The following SNX27 variants were observed in gnomAD, a reference collection of about 807,000 sequenced individuals.
The protein encoded by SNX27 is sorting nexin-27.
SNX27 carries 22 observed loss-of-function variants against 71.6 expected under a neutral mutation model. That is an observed-to-expected ratio of 0.31 (90% confidence interval 0.22 to 0.44). The LOEUF is 0.44. Among genes scored for constraint, SNX27 ranks in the 20% least tolerant of loss-of-function variants. SNX27 has a pLI of 1.00. For missense variants in SNX27, 531 were observed against 698.6 expected, an observed-to-expected ratio of 0.76 and a Z score of 2.70; for synonymous variants, 269 against 277.2, an observed-to-expected ratio of 0.97 and a Z score of 0.29.
At chr1:151,650,680 T>A (rs1669286004) in intron 2 of SNX27, among the ~76,000 whole-genome samples, 1 of 152,062 alleles carries the variant, frequency 6.6e-6, no homozygotes, top group African/African-American at 2.4e-5. Flanking sequence ...AGGACAATAG[T>A]GGAGGGAAGG....
intron 1 of SNX27, among the ~76,000 whole-genome samples, chr1:151,629,897 A>T (rs116716168): frequency 0.44 from 65,563 of 150,450 alleles, 15,275 homozygotes; most frequent in Non-Finnish European, 0.55. Context: ...ATATATATAT[A>T]TATTTTTTTG....
At chr1:151,672,031 A>G (rs1382410123) in intron 7 of SNX27, among the ~76,000 whole-genome samples, 2 of 152,140 alleles carry the variant, frequency 1.3e-5, no homozygotes, top group South Asian at 2.1e-4. Flanking sequence ...TGGGACTTCT[A>G]GTACTATGTT....
At chr1:151,627,532 TACTA>T (rs1462785366) in intron 1 of SNX27, among the ~76,000 whole-genome samples, 1 of 152,214 alleles carries the variant, frequency 6.6e-6, no homozygotes, top group Non-Finnish European at 1.5e-5. Context: ...TCTTCCAACC[TACTA>T]ACTGATTTTT....
At chr1:151,683,332 G>T (rs2102723969) in intron 7 of SNX27, 24 bp from the exon 8 acceptor site, 1 of 1,581,114 alleles carries the variant, frequency 6.3e-7, no homozygotes, top group Non-Finnish European at 8.6e-7. Context: ...ACTCCTTTCT[G>T]CTCTACTTCT....
intron 2 of SNX27, among the ~76,000 whole-genome samples, chr1:151,652,662 C>T (rs1321245041): frequency 3.9e-5 from 6 of 152,014 alleles, no homozygotes; most frequent in South Asian, 2.1e-4. Context: ...CCACCCGCCT[C>T]GACCTCCCAA....
At chr1:151,632,121 T>C (rs1668264575) in intron 1 of SNX27, among the ~76,000 whole-genome samples, 1 of 152,162 alleles carries the variant, frequency 6.6e-6, no homozygotes, top group Non-Finnish European at 1.5e-5. Flanking sequence ...TGAGAGATGC[T>C]GCTGTTATCT....
chr1:151,655,945 C>T (rs1669661812), intron 2 of SNX27, among the ~76,000 whole-genome samples: 1 of 152,132 alleles, frequency 6.6e-6, no homozygotes, highest in African/African-American at 2.4e-5. Context: ...AAGCTCTTGG[C>T]CGGACACGGG....
chr1:151,683,500 C>A, intron 8 of SNX27, 55 bp downstream of exon 8: 1 of 1,315,804 alleles, frequency 7.6e-7, no homozygotes, highest in Non-Finnish European at 1.1e-6. Context: ...CCTTTAAAAC[C>A]TATAGTCCTA....
chr1:151,652,205 G>GGGGAAAGGGAGAGGGAGA (rs1669432009), intron 2 of SNX27, among the ~76,000 whole-genome samples: 1 of 62,254 alleles, frequency 1.6e-5, no homozygotes, highest in Non-Finnish European at 3.5e-5. Context: ...GGGAGACCGT[G>GGGGAAAGGGAGAGGGAGA]GGGAGAGGGA....
intron 8 of SNX27, 38 bp downstream of exon 8, chr1:151,683,483 C>T (rs1276730234): frequency 1.4e-6 from 2 of 1,475,668 alleles, no homozygotes; most frequent in Non-Finnish European, 1.9e-6. Context: ...AAAAATGCCC[C>T]TTCCTACCTT....
Position 151,662,259 on chromosome 1 carries a change from C to A in SNX27, c.895C>A (p.Gln299Lys). 6.2e-7 allele frequency: 1 copy of A among 1,604,478 alleles called. No homozygotes were observed. Among genetic ancestry groups the A allele is most frequent in the Non-Finnish European group, 8.5e-7 (1 of 1,171,774 alleles). The change falls in exon 5 of 12, where the codon CAA becomes AAA. Residue 299 changes from glutamine (Q) to lysine (K), a missense_variant. By Grantham distance (53) the Gln-to-Lys change is moderately conservative. This residue lies in a region of SNX27 where 184 missense variants were observed against 289.6 expected (regional missense o/e 0.64). Transcript: ENST00000458013. ...GGTTAAAAAGAACAGTACTACAGACCAAGTATATCAGGTAAATTAAATGAA... is the reference window on the plus strand; with the variant it reads ...GGTTAAAAAGAACAGTACTACAGACAAAGTATATCAGGTAAATTAAATGAA... ...VRVKKNSTTDQVYQAIAAKVG... is the reference protein window; with the variant it reads ...VRVKKNSTTDKVYQAIAAKVG...
In SNX27 at chr1:151,638,927, G is replaced by A; in HGVS notation, c.351G>A (p.Val117=). 1 of 1,614,126 alleles carries A rather than the reference G, an allele frequency of 6.2e-7. No homozygotes were observed. The highest frequency in any genetic ancestry group is 8.5e-7 in the Non-Finnish European group (1 of 1,180,030). ...VNVEGATHKQ[V]VDLIRAGEKE... is the part of the protein sequence containing the mutation. ...TTGAGGGGGCGACACACAAGCAGGT[G>A]GTGGACCTGATTCGAGCAGGCGAGA... Residue 117 remains valine (V), a synonymous_variant, in exon 2 of 12, where the codon GTG becomes GTA. Transcript: ENST00000458013.
chr1:151,626,382 A>G (rs569198864), intron 1 of SNX27, among the ~76,000 whole-genome samples: 1 of 151,700 alleles, frequency 6.6e-6, no homozygotes, highest in Non-Finnish European at 1.5e-5. Flanking sequence ...ACACTTTTAT[A>G]TTGTCTCTTT....
chr1:151,692,191 T>C (rs1288125514), intron 8 of SNX27, among the ~76,000 whole-genome samples: 1 of 151,984 alleles, frequency 6.6e-6, no homozygotes, highest in African/African-American at 2.4e-5. Context: ...GCTACTGCAC[T>C]CCAGCCTAAG....
intron 1 of SNX27, among the ~76,000 whole-genome samples, chr1:151,634,631 G>A (rs763916868): frequency 1.4e-4 from 21 of 152,070 alleles, no homozygotes; most frequent in South Asian, 2.1e-4. Context: ...TAAAATTATC[G>A]CGTGTGTCTT....
intron 8 of SNX27, among the ~76,000 whole-genome samples, chr1:151,688,304 A>G (rs1671279294): frequency 6.6e-6 from 1 of 152,172 alleles, no homozygotes. Context: ...TAAATACCAA[A>G]TACCCTTTTA....
chr1:151,636,663 T>C (rs928927906), intron 1 of SNX27, among the ~76,000 whole-genome samples: 1 of 97,258 alleles, frequency 1.0e-5, no homozygotes, highest in Non-Finnish European at 2.2e-5. Flanking sequence ...TTTTCCACTT[T>C]TGTAAAAAAA....
intron 2 of SNX27, among the ~76,000 whole-genome samples, chr1:151,650,606 AATTT>A (rs1341607891): frequency 1.3e-5 from 2 of 150,856 alleles, no homozygotes; most frequent in African/African-American, 2.4e-5. Context: ...TTTTTTTTAA[AATTT>A]ATTTATTTTT....
intron 1 of SNX27, among the ~76,000 whole-genome samples, chr1:151,621,921 C>T (rs1667695469): frequency 6.6e-6 from 1 of 152,160 alleles, no homozygotes; most frequent in Non-Finnish European, 1.5e-5. Context: ...GAGTTTTGTT[C>T]TCTCTACCTG....
Sources: gnomAD v4.1 joint callset for allele counts (sites outside exome capture counted in the v4.1 genomes callset) on GRCh38, gnomAD v4.1.1 for gene constraint, gnomAD v4.1.1 regional missense constraint, MANE v1.5 for transcripts, NCBI Gene and HGNC (gene_info 2026-07-23, HGNC 2026-07-21) for gene names.